Variants in C12orf42 observed in about 807,000 individuals in gnomAD.
The protein encoded by C12orf42 is chromosome 12 open reading frame 42.
In C12orf42, 25 loss-of-function variants were observed where a neutral mutation model predicts 21.6. The ratio of observed to expected loss-of-function variants is 1.16; its 90% CI spans 0.84 to 1.62. The LOEUF (loss-of-function observed/expected upper bound fraction) is 1.62. Among genes scored for constraint, C12orf42 ranks in the 40% most tolerant of loss-of-function variants. The pLI is 0.00. For missense variants in C12orf42, 483 were observed against 459.3 expected, an observed-to-expected ratio of 1.05 and a Z score of -0.47; for synonymous variants, 174 against 175.0, an observed-to-expected ratio of 0.99 and a Z score of 0.05.
chr12:103,183,660 T>G, the C12orf42 span, among the ~76,000 whole-genome samples: 1 of 151,822 alleles, frequency 6.6e-6, no homozygotes, highest in African/African-American at 2.4e-5. Flanking sequence ...ACTAAGATTA[T>G]TGATTTGTGA....
At chr12:103,292,898 A>T (rs2036915021) in intron 4 of C12orf42, among the ~76,000 whole-genome samples, 1 of 152,096 alleles carries the variant, frequency 6.6e-6, no homozygotes, top group Non-Finnish European at 1.5e-5. Context: ...CATTAAAATA[A>T]TTATGATTGA....
intron 2 of C12orf42, among the ~76,000 whole-genome samples, chr12:103,455,916 A>G (rs1047330522): frequency 6.6e-6 from 1 of 152,078 alleles, no homozygotes; most frequent in Non-Finnish European, 1.5e-5. Context: ...CAGATTCACC[A>G]TGCACCAATT....
At chr12:103,069,441 A>C in the C12orf42 span, among the ~76,000 whole-genome samples, 3 of 152,162 alleles carry the variant, frequency 2.0e-5, no homozygotes. Flanking sequence ...AGTCTACCTT[A>C]AACATGCTCA....
chr12:103,330,259 C>A (rs1036889883), intron 4 of C12orf42, among the ~76,000 whole-genome samples: 2 of 152,138 alleles, frequency 1.3e-5, no homozygotes, highest in Admixed American at 6.5e-5. Context: ...TCCAGATGAA[C>A]CTGTGTACAA....
chr12:103,522,652 C>T, the C12orf42 span, among the ~76,000 whole-genome samples: 3 of 152,148 alleles, frequency 2.0e-5, no homozygotes, highest in Non-Finnish European at 4.4e-5. Context: ...GAGACTATTT[C>T]GAGGTATATT....
At chr12:103,164,499 TA>T in the C12orf42 span, 1 of 451,068 alleles carries the variant, frequency 2.2e-6, no homozygotes, top group South Asian at 1.6e-5. Context: ...TACATTTCTT[TA>T]TTTGCCAGGA....
the C12orf42 span, chr12:103,559,965 T>A: frequency 6.6e-6 from 1 of 152,202 alleles, no homozygotes; most frequent in Non-Finnish European, 1.5e-5. Context: ...TCAAGACAGT[T>A]AAAGCACTAG....
chr12:103,230,921 A>C, the C12orf42 span, among the ~76,000 whole-genome samples: 1 of 152,050 alleles, frequency 6.6e-6, no homozygotes, highest in Non-Finnish European at 1.5e-5. Flanking sequence ...TTCTAGATTT[A>C]AGCATTCAAG....
chr12:103,065,634 G>A, the C12orf42 span, among the ~76,000 whole-genome samples: 1 of 152,212 alleles, frequency 6.6e-6, no homozygotes, highest in Non-Finnish European at 1.5e-5. Context: ...AGACGTTTGT[G>A]TGCCAGAGGA....
At chr12:103,322,145 A>ACACG (rs1555256411) in intron 4 of C12orf42, among the ~76,000 whole-genome samples, 3 of 142,606 alleles carry the variant, frequency 2.1e-5, no homozygotes, top group African/African-American at 5.3e-5. Context: ...ACACACACAC[A>ACACG]CACACGCACA....
At chr12:103,155,044 G>C in the C12orf42 span, 1 of 152,100 alleles carries the variant, frequency 6.6e-6, no homozygotes, top group African/African-American at 2.4e-5. Flanking sequence ...TGGTAAATCA[G>C]TATAAAGCCC....
chr12:103,529,132 G>C, the C12orf42 span, among the ~76,000 whole-genome samples: 47 of 152,310 alleles, frequency 3.1e-4, no homozygotes, highest in Non-Finnish European at 6.2e-4. Flanking sequence ...CCAGGTGCCT[G>C]AGCATGACTT....
At chr12:103,440,782 T>G (rs553106098) in intron 2 of C12orf42, among the ~76,000 whole-genome samples, 1 of 152,262 alleles carries the variant, frequency 6.6e-6, no homozygotes, top group Non-Finnish European at 1.5e-5. Context: ...AATTACAATG[T>G]ACAGTAGCTT....
At chr12:103,489,625 T>C (rs776651659) in intron 1 of C12orf42, among the ~76,000 whole-genome samples, 3 of 152,202 alleles carry the variant, frequency 2.0e-5, no homozygotes, top group Admixed American at 6.5e-5. Flanking sequence ...GCTTCCCGGC[T>C]GCTTTGTTTA....
chr12:103,293,783 C>G (rs1042012182), intron 4 of C12orf42, among the ~76,000 whole-genome samples: 1 of 152,120 alleles, frequency 6.6e-6, no homozygotes, highest in African/African-American at 2.4e-5. Context: ...CATTGAAATA[C>G]AGGAGTATTC....
chr12:103,426,364 G>T (rs1345079501), intron 2 of C12orf42, among the ~76,000 whole-genome samples: 1 of 152,096 alleles, frequency 6.6e-6, no homozygotes, highest in Non-Finnish European at 1.5e-5. Flanking sequence ...AATCTCAGAG[G>T]TAGAAGATAG....
chr12:103,526,258 A>G, the C12orf42 span, among the ~76,000 whole-genome samples: 1 of 152,230 alleles, frequency 6.6e-6, no homozygotes, highest in Admixed American at 6.5e-5. Context: ...AGGCAAATAA[A>G]GCATTATTTG....
the C12orf42 span, among the ~76,000 whole-genome samples, chr12:103,502,210 C>G: frequency 6.6e-6 from 1 of 152,114 alleles, no homozygotes; most frequent in Non-Finnish European, 1.5e-5. Context: ...AACACTCCAC[C>G]CTCCACCCCC....
At chr12:103,454,134 A>G (rs1952133602) in intron 2 of C12orf42, among the ~76,000 whole-genome samples, 1 of 152,076 alleles carries the variant, frequency 6.6e-6, no homozygotes, top group Admixed American at 6.6e-5. Flanking sequence ...CTGGTCCTCT[A>G]TAATTTATTC....
Sources: allele counts gnomAD v4.1 joint callset (sites outside exome capture counted in the v4.1 genomes callset), GRCh38; gene constraint gnomAD v4.1.1; transcripts MANE v1.5; gene names NCBI Gene and HGNC (gene_info 2026-07-23, HGNC 2026-07-21).